Variants in ZFHX3 observed in about 807,000 individuals in gnomAD.
ZFHX3 encodes zinc finger homeobox 3, also known as zinc finger homeobox protein 3.
In ZFHX3, 42 loss-of-function variants were observed where a neutral mutation model predicts 279.1. That is an observed-to-expected ratio of 0.15 (90% CI 0.12 to 0.19). The LOEUF (loss-of-function observed/expected upper bound fraction) is 0.19. Ranked by LOEUF, ZFHX3 falls within the 10% of genes least tolerant of loss-of-function variation. The pLI, the probability that ZFHX3 is intolerant of heterozygous loss-of-function variation, is 1.00. For missense variants in ZFHX3, 4,981 were observed against 4,754.0 expected (o/e 1.05, Z -1.40); for synonymous variants, 2,293 against 1,957.8 (o/e 1.17, Z -4.52).
At chr16:72,924,627 A>G (rs565043905) in intron 3 of ZFHX3, among the ~76,000 whole-genome samples, 1 of 152,276 alleles carries the variant, frequency 6.6e-6, no homozygotes, top group East Asian at 1.9e-4. Context: ...GGTGCGCAGA[A>G]CTACGACACC....
intron 3 of ZFHX3, among the ~76,000 whole-genome samples, chr16:73,436,122 G>C (rs1012271871): frequency 6.6e-6 from 1 of 152,236 alleles, no homozygotes; most frequent in Admixed American, 6.5e-5. Context: ...CTGAGGTTGG[G>C]AGTTTGAGGC....
intron 5 of ZFHX3, among the ~76,000 whole-genome samples, chr16:73,192,854 G>A (rs926966638): frequency 6.6e-6 from 1 of 152,084 alleles, no homozygotes; most frequent in Non-Finnish European, 1.5e-5. Flanking sequence ...CTCCTTGGGC[G>A]ATCGACTGGC....
intron 3 of ZFHX3, among the ~76,000 whole-genome samples, chr16:72,910,363 C>G (rs2039287920): frequency 6.6e-6 from 1 of 152,192 alleles, no homozygotes; most frequent in Non-Finnish European, 1.5e-5. Flanking sequence ...GCTCTTGCTT[C>G]CTTCCTAAGA....
intron 1 of ZFHX3, among the ~76,000 whole-genome samples, chr16:73,840,401 A>T (rs1200961695): frequency 6.6e-6 from 1 of 152,148 alleles, no homozygotes; most frequent in Non-Finnish European, 1.5e-5. Context: ...TGAAAGTTCC[A>T]TGACTACTTT....
chr16:73,562,377 C>T (rs540849673), intron 2 of ZFHX3, among the ~76,000 whole-genome samples: 88 of 152,160 alleles, frequency 5.8e-4, no homozygotes, highest in Non-Finnish European at 1.1e-3. Context: ...GGGCGGATCA[C>T]GAGGTCAGGA....
At chr16:73,889,177 G>A (rs767881235) in intron 1 of ZFHX3, among the ~76,000 whole-genome samples, 1 of 152,108 alleles carries the variant, frequency 6.6e-6, no homozygotes, top group Non-Finnish European at 1.5e-5. Context: ...GAGAAAGCCG[G>A]TCTTAGAAGA....
intron 1 of ZFHX3, among the ~76,000 whole-genome samples, chr16:73,036,495 A>G (rs1032236326): frequency 2.0e-5 from 3 of 152,144 alleles, no homozygotes; most frequent in Non-Finnish European, 2.9e-5. Context: ...CCAAAGCTCT[A>G]TGATACGCTT....
intron 7 of ZFHX3, among the ~76,000 whole-genome samples, chr16:73,109,557 A>AT (rs987838701): frequency 5.5e-5 from 8 of 144,836 alleles, no homozygotes; most frequent in South Asian, 2.2e-4. Context: ...AGCATTCCGT[A>AT]TTTTTTTTGT....
At chr16:73,488,316 G>A (rs1427527147) in intron 2 of ZFHX3, among the ~76,000 whole-genome samples, 1 of 152,156 alleles carries the variant, frequency 6.6e-6, no homozygotes, top group Non-Finnish European at 1.5e-5. Context: ...AGGAAGGAGG[G>A]ACAGCCTACT....
At chr16:73,283,863 C>T (rs1222052616) in intron 4 of ZFHX3, among the ~76,000 whole-genome samples, 1 of 152,088 alleles carries the variant, frequency 6.6e-6, no homozygotes, top group Non-Finnish European at 1.5e-5. Context: ...GCAGGAGGCT[C>T]ACTTGAGCCC....
intron 2 of ZFHX3, among the ~76,000 whole-genome samples, chr16:73,651,811 C>T (rs574695559): frequency 8.2e-4 from 121 of 146,840 alleles, no homozygotes; most frequent in Non-Finnish European, 9.2e-4. Flanking sequence ...GCGCAGATCA[C>T]GCCACTGCAC....
chr16:73,357,325 CA>C (rs1255025071), intron 3 of ZFHX3, among the ~76,000 whole-genome samples: 2 of 150,864 alleles, frequency 1.3e-5, no homozygotes, highest in African/African-American at 2.4e-5. Flanking sequence ...AAATTAATTA[CA>C]AAAAATAACA....
intron 1 of ZFHX3, among the ~76,000 whole-genome samples, chr16:73,011,171 C>T (rs917670339): frequency 5.3e-5 from 8 of 151,980 alleles, no homozygotes; most frequent in African/African-American, 9.7e-5. Flanking sequence ...TTGGTAGAGA[C>T]GGGGTTTCAC....
chr16:72,886,363 C>G (rs1329949232), intron 4 of ZFHX3, among the ~76,000 whole-genome samples: 1 of 151,510 alleles, frequency 6.6e-6, no homozygotes, highest in Non-Finnish European at 1.5e-5. Flanking sequence ...AGTCTATCAT[C>G]TCCACTGAAG....
intron 2 of ZFHX3, among the ~76,000 whole-genome samples, chr16:73,480,858 C>T (rs2018853221): frequency 6.6e-6 from 1 of 152,156 alleles, no homozygotes. Context: ...AAATATTTTA[C>T]CAGTTCATCC....
chr16:73,550,132 G>A (rs910868713), intron 2 of ZFHX3, among the ~76,000 whole-genome samples: 1 of 152,144 alleles, frequency 6.6e-6, no homozygotes, highest in Admixed American at 6.5e-5. Flanking sequence ...GGTCTCCGAG[G>A]TGAGGCCAGG....
chr16:73,855,377 T>C (rs1420318513), intron 1 of ZFHX3, among the ~76,000 whole-genome samples: 1 of 152,180 alleles, frequency 6.6e-6, no homozygotes, highest in African/African-American at 2.4e-5. Context: ...GGATTTCACA[T>C]TCAGTGGCCT....
At position 73,272,566 on chromosome 16, in the gene ZFHX3, A is replaced by G. The variant is rs1296771086; in HGVS notation, c.-1193-15430T>C. On this transcript the variant is annotated intron_variant, in intron 4 of 17. Transcript: ENST00000641206. ...TGTACCAAGGACTGTGCTAGAGTCT[A>G]TGGACACAAAACAAATAAAACACAA... is the stretch of plus-strand genomic sequence containing the variant. 2.0e-5 allele frequency among the ~76,000 whole-genome samples: 3 copies of G among 152,206 alleles called. No homozygotes were observed. The East Asian group carries it at 5.8e-4, about 29-fold the overall frequency.
At chr16:73,014,761 C>T (rs1424649053) in intron 1 of ZFHX3, among the ~76,000 whole-genome samples, 1 of 151,924 alleles carries the variant, frequency 6.6e-6, no homozygotes, top group Admixed American at 6.6e-5. Context: ...ATCCACCTGC[C>T]TCGGCCTCCC....
Sources: gnomAD v4.1 joint callset for allele counts (sites outside exome capture counted in the v4.1 genomes callset) on GRCh38, gnomAD v4.1.1 for gene constraint, MANE v1.5 for transcripts, NCBI Gene and HGNC (gene_info 2026-07-23, HGNC 2026-07-21) for gene names.